Variants in DCDC1 observed in about 807,000 individuals in gnomAD.
The protein encoded by DCDC1 is doublecortin domain containing 1, also known as doublecortin domain-containing protein 1.
DCDC1 carries 200 observed loss-of-function variants against 178.3 expected under a neutral mutation model. The ratio of observed to expected loss-of-function variants is 1.12; its 90% CI spans 1.00 to 1.26. DCDC1 has a LOEUF of 1.26. Ranked by LOEUF, DCDC1 falls within the 50% of genes most tolerant of loss-of-function variation. DCDC1 has a pLI of 0.00. For synonymous variants in DCDC1, 690 were observed against 604.8 expected (o/e 1.14, Z -2.07); for missense variants, 1,983 against 1,749.2 (o/e 1.13, Z -2.38).
intron 3 of DCDC1, among the ~76,000 whole-genome samples, chr11:31,324,281 C>A (rs1949530033): frequency 6.6e-6 from 1 of 151,364 alleles, no homozygotes; most frequent in East Asian, 1.9e-4. Flanking sequence ...CTGAGCATAG[C>A]ATCGGGGGCA....
intron 17 of DCDC1, among the ~76,000 whole-genome samples, chr11:31,082,559 C>T (rs1957241035): frequency 6.7e-6 from 1 of 149,664 alleles, no homozygotes; most frequent in African/African-American, 2.5e-5. Context: ...ACAGCTATAT[C>T]GATATGTGAT....
At chr11:31,073,402 A>C (rs1315922151) in intron 18 of DCDC1, among the ~76,000 whole-genome samples, 3 of 152,198 alleles carry the variant, frequency 2.0e-5, no homozygotes, top group Non-Finnish European at 4.4e-5. Flanking sequence ...AAAATGAGAA[A>C]GTACACTTAA....
intron 20 of DCDC1, among the ~76,000 whole-genome samples, chr11:31,030,434 A>G (rs1053671583): frequency 6.6e-6 from 1 of 151,762 alleles, no homozygotes; most frequent in African/African-American, 2.4e-5. Flanking sequence ...ATGATTTTGA[A>G]GGGGGAGGGA....
At chr11:31,152,359 A>G (rs927068325) in intron 9 of DCDC1, among the ~76,000 whole-genome samples, 2 of 152,204 alleles carry the variant, frequency 1.3e-5, no homozygotes, top group Non-Finnish European at 2.9e-5. Flanking sequence ...GTATAGTTGT[A>G]TTTCAAAAAA....
At chr11:31,278,965 T>C (rs1294210788) in intron 7 of DCDC1, among the ~76,000 whole-genome samples, 2 of 152,152 alleles carry the variant, frequency 1.3e-5, no homozygotes, top group African/African-American at 4.8e-5. Context: ...TAGAAATATC[T>C]TGCCAATTTA....
At chr11:31,196,534 C>T (rs1314242712) in intron 9 of DCDC1, among the ~76,000 whole-genome samples, 1 of 152,036 alleles carries the variant, frequency 6.6e-6, no homozygotes, top group African/African-American at 2.4e-5. Context: ...TATAATGACT[C>T]ACTGAACTCA....
intron 11 of DCDC1, among the ~76,000 whole-genome samples, chr11:31,125,646 G>T (rs1226085099): frequency 1.3e-5 from 2 of 152,098 alleles, no homozygotes; most frequent in Admixed American, 6.6e-5. Context: ...GAAGCTGGAA[G>T]CCATTATCCT....
intron 1 of DCDC1, among the ~76,000 whole-genome samples, chr11:31,351,365 A>T (rs1951063536): frequency 6.6e-6 from 1 of 152,138 alleles, no homozygotes; most frequent in Admixed American, 6.5e-5. Context: ...TGGTTGCCAT[A>T]GTAACAAATA....
chr11:31,363,830 A>G (rs1005569520), intron 1 of DCDC1, among the ~76,000 whole-genome samples: 8 of 152,224 alleles, frequency 5.3e-5, no homozygotes, highest in African/African-American at 1.7e-4. Flanking sequence ...TAGAGAAAGT[A>G]GCATGCTTTA....
At chr11:30,998,258 C>G (rs1951381352) in intron 20 of DCDC1, among the ~76,000 whole-genome samples, 1 of 152,094 alleles carries the variant, frequency 6.6e-6, no homozygotes, top group South Asian at 2.1e-4. Context: ...TGCCACTGCA[C>G]TCCAGCCTGG....
chr11:30,893,065 A>T, intron 35 of DCDC1, 68 bp from the exon 36 acceptor site: 1 of 1,543,446 alleles, frequency 6.5e-7, no homozygotes, highest in Non-Finnish European at 8.8e-7. Flanking sequence ...GAAGAATGTG[A>T]TAAAATCCAG....
Position 30,925,352 on chromosome 11 carries a change from C to A in DCDC1, c.2954G>T (p.Gly985Val). 2.5e-6 allele frequency: 4 copies of A among 1,613,656 alleles called. No individual in the cohort carries two copies. The highest frequency in any genetic ancestry group is 3.4e-6 in the Non-Finnish European group (4 of 1,179,736). ...SAARRLYNEK[G>V]KEIFALKDLQ... Reference sequence around the variant, plus strand: ...GTCTTTTAAGGCAAATATTTCCTTCCCCTTTTCATTGTACAATCTCCGAGC... The same window carrying A: ...GTCTTTTAAGGCAAATATTTCCTTCACCTTTTCATTGTACAATCTCCGAGC... The change falls in exon 23 of 39, where the codon GGG becomes GTG. Residue 985 changes from glycine (G) to valine (V), a missense_variant. Coordinates refer to ENST00000684477, the MANE Select transcript of DCDC1 (RefSeq NM_001387274.1).
At chr11:31,337,356 TAAC>T (rs1161204484) in intron 1 of DCDC1, among the ~76,000 whole-genome samples, 2 of 152,242 alleles carry the variant, frequency 1.3e-5, no homozygotes, top group Non-Finnish European at 2.9e-5. Flanking sequence ...CTAAGCTTTT[TAAC>T]AACACTTTTC....
intron 15 of DCDC1, among the ~76,000 whole-genome samples, chr11:31,095,804 C>A (rs1958113159): frequency 6.6e-6 from 1 of 152,168 alleles, no homozygotes; most frequent in Non-Finnish European, 1.5e-5. Flanking sequence ...TTACTTCATA[C>A]TTAATAAACT....
chr11:31,254,491 T>C (rs948884896), intron 8 of DCDC1, among the ~76,000 whole-genome samples: 1 of 152,230 alleles, frequency 6.6e-6, no homozygotes, highest in African/African-American at 2.4e-5. Flanking sequence ...TTTAGCTGTC[T>C]AAATAGTGAA....
chr11:30,909,734 T>C (rs1565060270), intron 28 of DCDC1, among the ~76,000 whole-genome samples: 1 of 152,180 alleles, frequency 6.6e-6, no homozygotes, highest in South Asian at 2.1e-4. Flanking sequence ...AAGTACCTTG[T>C]TGATATTTTA....
chr11:31,162,044 T>G (rs1966356266), intron 9 of DCDC1, among the ~76,000 whole-genome samples: 1 of 152,182 alleles, frequency 6.6e-6, no homozygotes, highest in Non-Finnish European at 1.5e-5. Flanking sequence ...AACAAAAACT[T>G]ATTTTCTAAA....
intron 8 of DCDC1, among the ~76,000 whole-genome samples, chr11:31,245,057 C>A (rs1005196823): frequency 6.6e-6 from 1 of 151,476 alleles, no homozygotes; most frequent in Non-Finnish European, 1.5e-5. Context: ...TTTTCCATTT[C>A]CTCCCCTCTT....
intron 20 of DCDC1, among the ~76,000 whole-genome samples, chr11:31,032,693 G>C (rs1388529955): frequency 6.6e-6 from 1 of 152,110 alleles, no homozygotes; most frequent in Non-Finnish European, 1.5e-5. Flanking sequence ...TCATTCCTTT[G>C]CTATAATTAG....
Sources: gnomAD v4.1 joint callset for allele counts (sites outside exome capture counted in the v4.1 genomes callset) on GRCh38, gnomAD v4.1.1 for gene constraint, MANE v1.5 for transcripts, NCBI Gene and HGNC (gene_info 2026-07-23, HGNC 2026-07-21) for gene names.